The following LARP4B variants were observed in gnomAD, a reference collection of about 807,000 sequenced individuals.
LARP4B encodes la-related protein 4B.
LARP4B carries 12 observed loss-of-function variants against 89.8 expected under a neutral mutation model. The observed-to-expected ratio is 0.13, with a 90% CI of 0.09 to 0.22. LARP4B has a LOEUF of 0.22. Among genes scored for constraint, LARP4B ranks in the 10% least tolerant of loss-of-function variants. The pLI is 1.00. For synonymous variants in LARP4B, 367 were observed against 363.3 expected (o/e 1.01, Z -0.12); for missense variants, 757 against 947.7 (o/e 0.80, Z 2.64).
At chr10:820,747 G>A (rs1832310468) in intron 14 of LARP4B, 53 bp downstream of exon 14, 1 of 1,434,226 alleles carries the variant, frequency 7.0e-7, no homozygotes. Flanking sequence ...CTCAGGTTTG[G>A]TATAAATTAG....
At chr10:959,835 C>T in the LARP4B span, among the ~76,000 whole-genome samples, 8 of 132,156 alleles carry the variant, frequency 6.1e-5, no homozygotes, top group African/African-American at 2.1e-4. Flanking sequence ...CCCACCTCCT[C>T]GTCATTCCCA....
At chr10:920,858 T>G (rs934565264) in intron 1 of LARP4B, among the ~76,000 whole-genome samples, 12 of 152,118 alleles carry the variant, frequency 7.9e-5, no homozygotes, top group Non-Finnish European at 1.0e-4. Flanking sequence ...AAGAAAACAC[T>G]CCATGCAACT....
chr10:843,436 C>T (rs373938632), intron 6 of LARP4B, among the ~76,000 whole-genome samples: 14 of 152,294 alleles, frequency 9.2e-5, no homozygotes, highest in African/African-American at 3.4e-4. Flanking sequence ...CGGTGGCTCA[C>T]GCCTGGAATC....
chr10:854,928 C>T (rs554711766), intron 5 of LARP4B, among the ~76,000 whole-genome samples: 2 of 152,318 alleles, frequency 1.3e-5, no homozygotes, highest in South Asian at 4.1e-4. Flanking sequence ...CCATCTTCAT[C>T]AATTATCTTA....
Position 829,742 on chromosome 10 carries a change from CA to C in LARP4B, c.862-9del. ...TCGAAGGTATTTGTAAGCCTAAGGG[CA>C]AAATTAAGTACAAAATTCCATTCGA... On this transcript the variant is annotated splice_polypyrimidine_tract_variant and intron_variant, in intron 9 of 17. Coordinates refer to ENST00000316157, the MANE Select transcript of LARP4B (RefSeq NM_015155.3). The C allele has an allele frequency of 6.2e-7, 1 of 1,606,798 alleles. No homozygotes were observed. Among genetic ancestry groups the C allele is most frequent in the Non-Finnish European group, 8.5e-7 (1 of 1,174,316 alleles).
Position 885,675 on chromosome 10 carries a change from T to C in LARP4B, c.47A>G (p.Gln16Arg), listed in dbSNP as rs753623530. ...GCTGTCCTTGCCCTCCTGGACTCTC[T>C]GCGTCTGCGGTTCAGCCACAACCTT... ...DAKVVAEPQT[Q>R]RVQEGKDSAH... The change falls in exon 2 of 18, where the codon CAG becomes CGG. Residue 16 changes from glutamine (Q) to arginine (R), a missense_variant. Gln to Arg is a conservative substitution (Grantham distance 43). Around this residue, in one of 5 missense-constraint regions of LARP4B, gnomAD observed 175 missense variants for 187.0 expected, o/e 0.94. Coordinates refer to ENST00000316157, the MANE Select transcript of LARP4B (RefSeq NM_015155.3). 1.2e-5 allele frequency: 19 copies of C among 1,614,014 alleles called. No individual in the cohort carries two copies. Among genetic ancestry groups the C allele is most frequent in the Middle Eastern group, 3.3e-4 (2 of 6,084 alleles).
the LARP4B span, among the ~76,000 whole-genome samples, chr10:970,192 T>C: frequency 6.6e-6 from 1 of 152,228 alleles, no homozygotes; most frequent in Non-Finnish European, 1.5e-5. Flanking sequence ...TCGATGACTA[T>C]ACATTTATAC....
Position 814,561 on chromosome 10 carries a change from G to T in LARP4B, c.1929+181C>A. ...GTCTGAGAAAGAACTAGAGTAGTTA[G>T]TGGAAAATTATTAGCAAATATTAAA... is the stretch of plus-strand genomic sequence containing the variant. On this transcript the variant is annotated intron_variant, in intron 17 of 17. Coordinates refer to ENST00000316157, the MANE Select transcript of LARP4B (RefSeq NM_015155.3). This position sits in a 1 kb window ranked among gnomAD's most constrained non-coding sequence, Gnocchi z 4.4. 7.2e-7 allele frequency: 1 copy of T among 1,389,346 alleles called. No homozygotes were observed. The highest frequency in any genetic ancestry group is 9.9e-7 in the Non-Finnish European group (1 of 1,005,774). 86.1% of individuals were successfully genotyped at this position (1,389,346 alleles called of 1,614,324 possible). A position where few individuals can be genotyped will look rare whatever the true frequency, so the allele number is the denominator to read the frequency against.
intron 1 of LARP4B, among the ~76,000 whole-genome samples, chr10:923,761 A>G (rs1191526044): frequency 6.6e-6 from 1 of 152,230 alleles, no homozygotes; most frequent in Non-Finnish European, 1.5e-5. Flanking sequence ...TACCAAATTG[A>G]TCACTAGGTT....
chr10:912,583 G>A (rs1045685536), intron 1 of LARP4B, among the ~76,000 whole-genome samples: 6 of 151,758 alleles, frequency 4.0e-5, no homozygotes, highest in Admixed American at 3.3e-4. Flanking sequence ...AATATATGAC[G>A]TTCTATGGCC....
chr10:825,267 C>T lies in LARP4B; in HGVS notation c.1282G>A (p.Gly428Arg). 4 of 1,614,154 alleles carry T rather than the reference C, an allele frequency of 2.5e-6. No homozygotes were observed. The South Asian group carries it at 4.4e-5, about 18-fold the overall frequency. Residue 428 changes from glycine to arginine, a missense_variant, in exon 13 of 18, where the codon GGA becomes AGA. Around this residue, in one of 5 missense-constraint regions of LARP4B, gnomAD observed 387 missense variants for 423.6 expected, o/e 0.91. Coordinates refer to ENST00000316157, the MANE Select transcript of LARP4B (RefSeq NM_015155.3). The stretch of plus-strand genomic sequence containing the variant: ...GAAGGACTTTCTAATAACCCAGGTC[C>T]CCTCTCTGCACTAGGAATCGCATGC... ...LRHAIPSAERGPGLLESPSIF... is the reference protein window; with the variant it reads ...LRHAIPSAERRPGLLESPSIF...
the LARP4B span, among the ~76,000 whole-genome samples, chr10:958,821 C>G: frequency 9.9e-5 from 15 of 152,236 alleles, no homozygotes; most frequent in Admixed American, 9.8e-4. Context: ...CACAGGCCTG[C>G]TGCCCACATC....
the LARP4B span, among the ~76,000 whole-genome samples, chr10:982,410 A>C: frequency 6.6e-6 from 1 of 152,134 alleles, no homozygotes; most frequent in Admixed American, 6.6e-5. Context: ...AACTTTTTAT[A>C]TTTTAAAAAA....
chr10:822,231 C>T lies in LARP4B; in HGVS notation c.1485-1386G>A, dbSNP rs1273990982. Among the ~76,000 whole-genome samples, 1 of 152,194 alleles carries T rather than the reference C, an allele frequency of 6.6e-6. No individual in the cohort carries two copies. The highest frequency in any genetic ancestry group is 1.5e-5 in the Non-Finnish European group (1 of 68,018). On this transcript the variant is annotated intron_variant, in intron 13 of 17. Transcript: ENST00000316157. This position sits in a 1 kb window ranked among gnomAD's most constrained non-coding sequence, Gnocchi z 4.6. ...TTCAGTGGGACAGGACTCAACTGGC[C>T]CTGGGGACCTGGGAGGGGTGTGAGA...
chr10:857,226 TA>T (rs1356950786), intron 5 of LARP4B, among the ~76,000 whole-genome samples: 1 of 151,804 alleles, frequency 6.6e-6, no homozygotes, highest in Non-Finnish European at 1.5e-5. Context: ...TTAAAAGAAC[TA>T]GGATAAGATG....
chr10:846,729 T>C (rs973458344), intron 5 of LARP4B, among the ~76,000 whole-genome samples: 3 of 152,204 alleles, frequency 2.0e-5, no homozygotes, highest in Middle Eastern at 3.4e-3. Flanking sequence ...AGCCGGAAGA[T>C]AATGCAATCA....
rs117225549 is a variant in LARP4B, at chr10:832,395, T to C, written c.751-1418A>G. 7.7e-3 allele frequency among the ~76,000 whole-genome samples: 1,180 copies of C among 152,300 alleles called. 14 individuals are homozygous for C. Among genetic ancestry groups the C allele is most frequent in the South Asian group, 0.028 (134 of 4,820 alleles). ...ACTTTACTGGAGATGAAAAATACAA[T>C]GTCTGAAATTAAAACTACACTAAAT... On this transcript the variant is annotated intron_variant, in intron 8 of 17. Coordinates refer to ENST00000316157, the MANE Select transcript of LARP4B (RefSeq NM_015155.3).
intron 5 of LARP4B, among the ~76,000 whole-genome samples, chr10:862,866 G>A (rs10795299): frequency 0.99 from 151,361 of 152,332 alleles, 75,208 homozygotes; most frequent in Middle Eastern, 1. Context: ...CTTCCTTTCC[G>A]TTTTTTAGCC....
chr10:892,752 G>A (rs1321388904), intron 1 of LARP4B, among the ~76,000 whole-genome samples: 3 of 151,962 alleles, frequency 2.0e-5, no homozygotes, highest in East Asian at 1.9e-4. Flanking sequence ...TGTTAGCCAG[G>A]ATGGTCTCGA....
Sources: allele counts gnomAD v4.1 joint callset (sites outside exome capture counted in the v4.1 genomes callset), GRCh38; gene constraint gnomAD v4.1.1; regional missense constraint gnomAD v4.1.1; non-coding constraint Gnocchi (gnomAD v3.1); transcripts MANE v1.5; gene names NCBI Gene and HGNC (gene_info 2026-07-23, HGNC 2026-07-21).